Variants in RPS6KA2 observed in about 807,000 individuals in gnomAD.
The protein encoded by RPS6KA2 is ribosomal protein S6 kinase A2.
A neutral mutation model predicts 91.8 loss-of-function variants in RPS6KA2; 42 were observed. That is an observed-to-expected ratio of 0.46 (90% CI 0.36 to 0.59). The LOEUF is 0.59. Among genes scored for constraint, RPS6KA2 ranks in the 20% least tolerant of loss-of-function variants. The pLI, the probability that RPS6KA2 is intolerant of heterozygous loss-of-function variation, is 0.00. For synonymous variants in RPS6KA2, 414 were observed against 393.6 expected (o/e 1.05, Z -0.61); for missense variants, 798 against 978.5 (o/e 0.82, Z 2.46).
intron 2 of RPS6KA2, among the ~76,000 whole-genome samples, chr6:166,534,758 A>C (rs1464351938): frequency 6.6e-6 from 1 of 152,222 alleles, no homozygotes; most frequent in Non-Finnish European, 1.5e-5. Context: ...TTTTTAAAAG[A>C]ATGGAAAAAA....
intron 2 of RPS6KA2, among the ~76,000 whole-genome samples, chr6:166,676,508 C>T (rs987683724): frequency 5.3e-5 from 8 of 152,128 alleles, no homozygotes; most frequent in African/African-American, 9.7e-5. Flanking sequence ...CCCTATTACA[C>T]GGGAAGATTC....
intron 1 of RPS6KA2, among the ~76,000 whole-genome samples, chr6:166,566,704 C>T (rs1319301560): frequency 6.6e-6 from 1 of 152,230 alleles, no homozygotes; most frequent in Non-Finnish European, 1.5e-5. Context: ...CAATTCTGTC[C>T]ACTCCTGGCC....
chr6:166,805,173 G>A (rs845663), intron 2 of RPS6KA2, among the ~76,000 whole-genome samples: 94,562 of 152,034 alleles, frequency 0.62, 29,503 homozygotes, highest in South Asian at 0.64. Context: ...ACCTCTTGGC[G>A]TAGTAACAGT....
At chr6:166,830,429 G>A (rs1409226424) in intron 2 of RPS6KA2, among the ~76,000 whole-genome samples, 4 of 152,178 alleles carry the variant, frequency 2.6e-5, no homozygotes, top group African/African-American at 9.7e-5. Flanking sequence ...TATTCTGGAG[G>A]TGGATGGTGG....
At chr6:166,528,290 A>G (rs1421009798) in intron 3 of RPS6KA2, among the ~76,000 whole-genome samples, 1 of 152,198 alleles carries the variant, frequency 6.6e-6, no homozygotes. Flanking sequence ...CTGATCTTTG[A>G]CAAACCTGAC....
At chr6:166,617,525 C>T (rs1320991203) in intron 1 of RPS6KA2, among the ~76,000 whole-genome samples, 1 of 152,166 alleles carries the variant, frequency 6.6e-6, no homozygotes, top group African/African-American at 2.4e-5. Context: ...AGCACCACCT[C>T]ATGCTGTTAT....
intron 5 of RPS6KA2, among the ~76,000 whole-genome samples, chr6:166,507,988 C>T (rs1489126618): frequency 6.7e-6 from 1 of 148,220 alleles, no homozygotes; most frequent in Non-Finnish European, 1.5e-5. Flanking sequence ...TCTCGCAACC[C>T]CCCACCACAC....
intron 3 of RPS6KA2, among the ~76,000 whole-genome samples, chr6:166,511,625 C>T (rs1205442261): frequency 6.6e-6 from 1 of 152,070 alleles, no homozygotes; most frequent in African/African-American, 2.4e-5. Context: ...GCCCCATGAG[C>T]GATGGGAGAA....
rs115426976 is a variant in RPS6KA2 at position 166,459,954 on chromosome 6, C to T, written c.973-403G>A. On this transcript the variant is annotated intron_variant, in intron 11 of 20. Transcript: ENST00000265678. This position sits in a 1 kb window ranked among gnomAD's most constrained non-coding sequence, Gnocchi z 4.9. ...CCACTGGGGACAGCAGTGAAGAGGC[C>T]GTGTGGCTCTCTCCTCCCTGCCCTG... Among the ~76,000 whole-genome samples, 1,323 of 152,266 alleles carry T rather than the reference C, an allele frequency of 8.7e-3. 22 individuals carry two copies. The highest frequency in any genetic ancestry group is 0.03 in the African/African-American group (1,248 of 41,554).
intron 11 of RPS6KA2, among the ~76,000 whole-genome samples, chr6:166,466,325 A>T (rs1194991540): frequency 2.0e-5 from 3 of 152,210 alleles, no homozygotes; most frequent in Non-Finnish European, 4.4e-5. Context: ...AATGCACATT[A>T]ATCTAATGTG....
chr6:166,689,873 G>A (rs1219533436), intron 2 of RPS6KA2, among the ~76,000 whole-genome samples: 3 of 152,256 alleles, frequency 2.0e-5, no homozygotes, highest in African/African-American at 4.8e-5. Context: ...AAAGCCACAT[G>A]AAAGTTTTAA....
intron 10 of RPS6KA2, among the ~76,000 whole-genome samples, chr6:166,475,433 T>TCTTC (rs1219523126): frequency 6.6e-6 from 1 of 152,154 alleles, no homozygotes; most frequent in Non-Finnish European, 1.5e-5. Flanking sequence ...GGTGTGCCAT[T>TCTTC]CTTCCTTCCT....
rs1562437191 is a variant in RPS6KA2, at chr6:166,783,816, AACCAC to A, written c.123+74379_123+74383del. ...TATATACACGTGCACAGTTACCTGTAACCACATATGCACACGTGCACACCTATCTA... is the reference window on the plus strand; with the variant it reads ...TATATACACGTGCACAGTTACCTGTAATATGCACACGTGCACACCTATCTA... On this transcript the variant is annotated intron_variant, in intron 2 of 21. Transcript: ENST00000503859. 3.6e-5 allele frequency among the ~76,000 whole-genome samples: 4 copies of A among 112,588 alleles called. 1 individual carries two copies. The highest frequency in any genetic ancestry group is 8.6e-5 in the Non-Finnish European group (4 of 46,528). 73.9% of individuals were successfully genotyped at this position (112,588 alleles called of 152,430 possible). A position where few individuals can be genotyped will look rare whatever the true frequency, so the allele number is the denominator to read the frequency against.
rs573664644 is a variant in RPS6KA2, at chr6:166,767,013, G to A, written c.123+91187C>T. ...TGCCTCCCCACCCCCGAACCCTGCTGCACCCAGAAGTCTGCACCAACTCAC... is the reference window on the plus strand; with the variant it reads ...TGCCTCCCCACCCCCGAACCCTGCTACACCCAGAAGTCTGCACCAACTCAC... On this transcript the variant is annotated intron_variant, in intron 2 of 21. Transcript: ENST00000503859. The surrounding 1 kb of genome is among the most constrained non-coding windows in gnomAD (Gnocchi z 4.6). Among the ~76,000 whole-genome samples, 1 of 152,270 alleles carries A rather than the reference G, an allele frequency of 6.6e-6. No individual in the cohort carries two copies. Among genetic ancestry groups the A allele is most frequent in the South Asian group, 2.1e-4 (1 of 4,820 alleles).
rs149381116 is a variant in RPS6KA2 at position 166,754,162 on chromosome 6, T to C, written c.123+104038A>G. Among the ~76,000 whole-genome samples, 78 of 152,292 alleles carry C rather than the reference T, an allele frequency of 5.1e-4. No homozygotes were observed. The East Asian group carries it at 0.012, about 23-fold the overall frequency. On this transcript the variant is annotated intron_variant, in intron 2 of 21. Transcript: ENST00000503859. ...ACCTATTTTTGCATTTCCCACATCATGTATGTTGGAAGAATCTTGAATACA... is the reference window on the plus strand; with the variant it reads ...ACCTATTTTTGCATTTCCCACATCACGTATGTTGGAAGAATCTTGAATACA...
rs201961668 is a variant in RPS6KA2, at chr6:166,419,971, G to A, written c.1744-13C>T. On this transcript the variant is annotated splice_polypyrimidine_tract_variant and intron_variant, in intron 17 of 20. Coordinates refer to ENST00000265678, the MANE Select transcript of RPS6KA2 (RefSeq NM_021135.6). This position sits in a 1 kb window ranked among gnomAD's most constrained non-coding sequence, Gnocchi z 5.6. ...GACGCTTCAGGACCTAGGAGGGAAC[G>A]ACAGGACACCGGCACGCCCTTCACT... 1.2e-5 allele frequency: 19 copies of A among 1,612,406 alleles called. No individual in the cohort carries two copies. The highest frequency in any genetic ancestry group is 3.3e-4 in the Middle Eastern group (2 of 6,052).
intron 2 of RPS6KA2, among the ~76,000 whole-genome samples, chr6:166,851,668 T>C (rs1444316193): frequency 2.0e-5 from 3 of 152,192 alleles, no homozygotes; most frequent in Non-Finnish European, 4.4e-5. Flanking sequence ...TTTTAGAGAC[T>C]GTTCCCATTC....
At chr6:166,561,913 A>G (rs1366297148) in intron 1 of RPS6KA2, among the ~76,000 whole-genome samples, 1 of 152,134 alleles carries the variant, frequency 6.6e-6, no homozygotes, top group African/African-American at 2.4e-5. Flanking sequence ...GGCCACCAGA[A>G]GCCAAGGTCA....
chr6:166,643,437 T>C (rs1221137317), intron 2 of RPS6KA2, among the ~76,000 whole-genome samples: 1 of 152,172 alleles, frequency 6.6e-6, no homozygotes, highest in African/African-American at 2.4e-5. Context: ...ATGTCATACA[T>C]AGGATGCAAC....
Sources: gnomAD v4.1 joint callset for allele counts (sites outside exome capture counted in the v4.1 genomes callset) on GRCh38, gnomAD v4.1.1 for gene constraint, Gnocchi (gnomAD v3.1) non-coding constraint, MANE v1.5 for transcripts, NCBI Gene and HGNC (gene_info 2026-07-23, HGNC 2026-07-21) for gene names.